Variants in GNB5 observed in about 807,000 individuals in gnomAD.
GNB5 encodes G protein subunit beta 5, also known as guanine nucleotide-binding protein subunit beta-5.
GNB5 carries 37 observed loss-of-function variants against 55.3 expected under a neutral mutation model. The ratio of observed to expected loss-of-function variants is 0.67; its 90% confidence interval spans 0.51 to 0.88. The LOEUF (loss-of-function observed/expected upper bound fraction) is 0.88, where lower values mean the gene tolerates loss of function less well. Ranked by LOEUF, GNB5 falls within the 40% of genes least tolerant of loss-of-function variation. GNB5 has a pLI of 0.00. For synonymous variants in GNB5, 219 were observed against 198.5 expected (o/e 1.10, Z -0.87); for missense variants, 476 against 515.3 (o/e 0.92, Z 0.74).
In GNB5 at chr15:52,150,858, C is replaced by T. The variant is rs114835380; in HGVS notation, c.376-933G>A. On this transcript the variant is annotated intron_variant, in intron 4 of 12. Transcript: ENST00000261837. ...GGAAGAGGATCAGATCCTCAGGGAT[C>T]GGAAATCTACAGCCTCTATGGCAGG... Among the ~76,000 whole-genome samples the T allele has an allele frequency of 3.7e-3, 569 of 152,310 alleles. 6 individuals carry two copies. The highest frequency in any genetic ancestry group is 0.013 in the African/African-American group (551 of 41,566).
intron 12 of GNB5, 144 bp downstream of exon 12, chr15:52,124,329 T>C: frequency 1.6e-6 from 1 of 628,066 alleles, no homozygotes; most frequent in Non-Finnish European, 2.8e-6. Context: ...CCTCTGTGGC[T>C]GTGGGCAGAG....
rs1596062869 is a variant in GNB5, at chr15:52,135,545, C to T, written c.771+68G>A. ...TGCCTAGGCTAATCCCATGAATGGA[C>T]AAGAACTGCCACCATAAGCCTCCTT... On this transcript the variant is annotated intron_variant, in intron 8 of 12. Coordinates refer to ENST00000261837, the MANE Select transcript of GNB5 (RefSeq NM_016194.4). 3.6e-6 allele frequency: 5 copies of T among 1,388,140 alleles called. No homozygotes were observed. The East Asian group carries it at 6.9e-5, about 19-fold the overall frequency. 86.0% of individuals were successfully genotyped at this position (1,388,140 alleles called of 1,614,324 possible). A position where few individuals can be genotyped will look rare whatever the true frequency, so the allele number is the denominator to read the frequency against.
chr15:52,149,888 T>C lies in GNB5; in HGVS notation c.413A>G (p.Asn138Ser), dbSNP rs1292722232. Residue 138 changes from asparagine (N) to serine (S), a missense_variant, in exon 5 of 13, where the codon AAC (asparagine) becomes AGC (serine). Coordinates refer to ENST00000261837, the MANE Select transcript of GNB5 (RefSeq NM_016194.4). ...TGGCTGGGAACAATGCCTCACCTTG[T>C]TTGTGGTGAAGGAATCCCACACGAT... Reference protein sequence around the residue: ...KVIVWDSFTTNKEHAVTMPCT... With the variant: ...KVIVWDSFTTSKEHAVTMPCT... 1 of 1,610,532 alleles carries C rather than the reference T, an allele frequency of 6.2e-7. No homozygotes were observed. The highest frequency in any genetic ancestry group is 8.5e-7 in the Non-Finnish European group (1 of 1,176,718).
chr15:52,157,728 C>A (rs1013707781), intron 3 of GNB5, among the ~76,000 whole-genome samples: 1 of 152,070 alleles, frequency 6.6e-6, no homozygotes, highest in Admixed American at 6.6e-5. Context: ...AAATAGGGCC[C>A]TCCTTACATA....
In GNB5 at chr15:52,117,103, T is replaced by TATATATATATATATATATATATATA. The variant is rs1555403840; in HGVS notation, c.*5653_*5654insTATATATATATATATATATATATAT. 40 of 95,922 alleles carry TATATATATATATATATATATATATA rather than the reference T, an allele frequency of 4.2e-4. No individual in the cohort carries two copies. The highest frequency in any genetic ancestry group is 1.1e-3 in the East Asian group (4 of 3,720). The allele number at this position is 95,922 out of a possible 1,614,324, so 5.9% of individuals were successfully genotyped here. ...CACGCCCAGCTAATATATATATATA[T>TATATATATATATATATATATATATA]TTTTTTTTAGTACAGACAGGGTTTC... On this transcript the variant is annotated 3_prime_UTR_variant, in exon 13 of 13. Coordinates refer to ENST00000261837, the MANE Select transcript of GNB5 (RefSeq NM_016194.4).
chr15:52,165,880 T>A (rs2141227444), intron 3 of GNB5, among the ~76,000 whole-genome samples: 1 of 152,276 alleles, frequency 6.6e-6, no homozygotes, highest in African/African-American at 2.4e-5. Context: ...AATGCTCCAA[T>A]TAAAAGACAC....
Position 52,122,837 on chromosome 15 carries a change from A to G in GNB5, c.1177-69T>C, listed in dbSNP as rs984059041. On this transcript the variant is annotated intron_variant, in intron 12 of 12. Coordinates refer to ENST00000261837, the MANE Select transcript of GNB5 (RefSeq NM_016194.4). ...CAACTTATAAAACTTGAGCTTAAAG[A>G]GATAAAATTAGTCTATTCACACACA... 6.1e-6 allele frequency: 7 copies of G among 1,151,332 alleles called. No homozygotes were observed. The African/African-American group carries it at 9.1e-5, about 15-fold the overall frequency. 71.3% of individuals were successfully genotyped at this position (1,151,332 alleles called of 1,614,324 possible).
chr15:52,153,884 C>A lies in GNB5; in HGVS notation c.375+56G>T, dbSNP rs934804739. ...TTTTGGAAAGGGACAGCTCTCCTCC[C>A]CCTTAGCTATAAAATCCAAAACCCG... On this transcript the variant is annotated intron_variant, in intron 4 of 12. Coordinates refer to ENST00000261837, the MANE Select transcript of GNB5 (RefSeq NM_016194.4). The A allele has an allele frequency of 4.0e-6, 6 of 1,510,590 alleles. No individual in the cohort carries two copies. In the African/African-American group the frequency reaches 5.5e-5, roughly 14 times the overall value. The allele number at this position is 1,510,590 out of a possible 1,614,324, so 93.6% of individuals were successfully genotyped here. A position where few individuals can be genotyped will look rare whatever the true frequency, so the allele number is the denominator to read the frequency against.
At chr15:52,177,421 G>A (rs550774668) in intron 3 of GNB5, among the ~76,000 whole-genome samples, 108 of 152,008 alleles carry the variant, frequency 7.1e-4, no homozygotes, top group African/African-American at 2.5e-3. Flanking sequence ...ACTTTTGGAG[G>A]CTCAGGCGGG....
intron 4 of GNB5, among the ~76,000 whole-genome samples, chr15:52,151,883 A>C (rs1279026635): frequency 6.6e-6 from 1 of 152,092 alleles, no homozygotes; most frequent in Non-Finnish European, 1.5e-5. Context: ...AGGCAGGAGG[A>C]TCACTCGAGC....
chr15:52,136,129 C>G (rs2033710107), intron 7 of GNB5, among the ~76,000 whole-genome samples: 4 of 89,574 alleles, frequency 4.5e-5, no homozygotes, highest in South Asian at 4.6e-4. Flanking sequence ...CACACACACA[C>G]ACACACACAC....
At chr15:52,148,544 C>A (rs78100370) in intron 5 of GNB5, among the ~76,000 whole-genome samples, 3,005 of 152,304 alleles carry the variant, frequency 0.02, 97 homozygotes, top group African/African-American at 0.069. Context: ...AATAAAACCT[C>A]AGGCTCAGAT....
chr15:52,124,646 G>A lies in GNB5; in HGVS notation c.1010-7C>T. On this transcript the variant is annotated splice_polypyrimidine_tract_variant and splice_region_variant and intron_variant, in intron 11 of 12. Coordinates refer to ENST00000261837, the MANE Select transcript of GNB5 (RefSeq NM_016194.4). ...CCAGCAAACAGCAGGCGACCTTGAA[G>A]CAGGGTGAGATGATAGCTGTTAAGC... The A allele has an allele frequency of 1.9e-6, 3 of 1,612,672 alleles. No individual in the cohort carries two copies. The highest frequency in any genetic ancestry group is 2.5e-6 in the Non-Finnish European group (3 of 1,178,932).
intron 9 of GNB5, chr15:52,128,628 A>G: frequency 2.0e-6 from 1 of 498,150 alleles, no homozygotes; most frequent in African/African-American, 1.9e-5. Context: ...GGATGTCTGC[A>G]CTGACCATTT....
At chr15:52,152,385 A>G (rs1182708740) in intron 4 of GNB5, among the ~76,000 whole-genome samples, 1 of 151,270 alleles carries the variant, frequency 6.6e-6, no homozygotes, top group African/African-American at 2.4e-5. Context: ...GTGCAGTGGC[A>G]TGGTCTCAGC....
At chr15:52,184,811 G>GTA in intron 1 of GNB5, 117 bp from the exon 2 acceptor site, 1 of 690,910 alleles carries the variant, frequency 1.4e-6, no homozygotes, top group Non-Finnish European at 2.4e-6. Context: ...GTGGGATAGA[G>GTA]TATATGCAGT....
chr15:52,190,593 C>G (rs966765450), intron 1 of GNB5, among the ~76,000 whole-genome samples: 1 of 152,010 alleles, frequency 6.6e-6, no homozygotes, highest in Admixed American at 6.6e-5. Flanking sequence ...AAAAGCCTGA[C>G]AACACAAAGT....
intron 8 of GNB5, among the ~76,000 whole-genome samples, chr15:52,134,397 C>T (rs2065004036): frequency 6.6e-6 from 1 of 152,130 alleles, no homozygotes; most frequent in Non-Finnish European, 1.5e-5. Flanking sequence ...GAGGAAGGCC[C>T]GCTGTGGGAG....
chr15:52,151,164 G>A (rs1167316114), intron 4 of GNB5, among the ~76,000 whole-genome samples: 1 of 152,224 alleles, frequency 6.6e-6, no homozygotes, highest in African/African-American at 2.4e-5. Flanking sequence ...CACACAGTGT[G>A]TGGGGTGGAT....
Sources: allele counts gnomAD v4.1 joint callset (sites outside exome capture counted in the v4.1 genomes callset), GRCh38; gene constraint gnomAD v4.1.1; transcripts MANE v1.5; gene names NCBI Gene and HGNC (gene_info 2026-07-23, HGNC 2026-07-21).